SCFD2: variants seen among roughly 807,000 people sequenced by gnomAD.
The protein encoded by SCFD2 is sec1 family domain containing 2.
A neutral mutation model predicts 58.9 loss-of-function variants in SCFD2; 54 were observed. The observed-to-expected ratio is 0.92, with a 90% CI of 0.74 to 1.15. The LOEUF (loss-of-function observed/expected upper bound fraction) is 1.15. SCFD2 is among the 50% of genes most tolerant of loss of function. SCFD2 has a pLI of 0.00. For missense variants in SCFD2, 805 were observed against 836.6 expected, an observed-to-expected ratio of 0.96 and a Z score of 0.47; for synonymous variants, 321 against 335.9, an observed-to-expected ratio of 0.96 and a Z score of 0.49.
chr4:53,161,134 C>A (rs1450668815), intron 4 of SCFD2, among the ~76,000 whole-genome samples: 1 of 152,056 alleles, frequency 6.6e-6, no homozygotes, highest in Admixed American at 6.5e-5. Context: ...TTTCAGAAGT[C>A]CCTACTCCTT....
intron 5 of SCFD2, among the ~76,000 whole-genome samples, chr4:52,958,623 A>G (rs1373692820): frequency 6.6e-6 from 1 of 152,164 alleles, no homozygotes; most frequent in East Asian, 1.9e-4. Context: ...CACAAGGAGA[A>G]AGGAACAGCT....
chr4:52,927,497 C>T (rs1461641541), intron 5 of SCFD2, among the ~76,000 whole-genome samples: 1 of 152,176 alleles, frequency 6.6e-6, no homozygotes, highest in Non-Finnish European at 1.5e-5. Context: ...TTACATTTGC[C>T]TTGTTCACAC....
chr4:53,138,745 T>G (rs1726016310), intron 5 of SCFD2, among the ~76,000 whole-genome samples: 1 of 152,244 alleles, frequency 6.6e-6, no homozygotes, highest in Non-Finnish European at 1.5e-5. Context: ...TTGTTTTGCT[T>G]CATTTTGTCA....
chr4:53,361,850 T>C (rs1734557015), intron 1 of SCFD2, among the ~76,000 whole-genome samples: 1 of 152,204 alleles, frequency 6.6e-6, no homozygotes, highest in South Asian at 2.1e-4. Flanking sequence ...TTCAAGAATC[T>C]CGGAAACATT....
chr4:53,348,796 C>A (rs556789482), intron 2 of SCFD2, among the ~76,000 whole-genome samples: 1 of 151,850 alleles, frequency 6.6e-6, no homozygotes, highest in East Asian at 1.9e-4. Flanking sequence ...CTCACTGCAA[C>A]CTCCACCTCC....
At chr4:53,050,779 T>C (rs2148831772) in intron 5 of SCFD2, among the ~76,000 whole-genome samples, 1 of 152,266 alleles carries the variant, frequency 6.6e-6, no homozygotes, top group Middle Eastern at 3.4e-3. Flanking sequence ...AGGCCCTGGG[T>C]CATCTGGCTC....
chr4:53,064,835 A>G (rs879636518), intron 5 of SCFD2, among the ~76,000 whole-genome samples: 21 of 152,122 alleles, frequency 1.4e-4, no homozygotes, highest in Non-Finnish European at 2.9e-4. Flanking sequence ...AGGCATAAAA[A>G]GGCAGTGACT....
chr4:53,329,085 GA>G (rs1241828783), intron 2 of SCFD2, among the ~76,000 whole-genome samples: 5 of 152,242 alleles, frequency 3.3e-5, no homozygotes, highest in African/African-American at 1.2e-4. Context: ...ACCTGGCTCA[GA>G]GGGTCCTACG....
At chr4:53,252,569 GA>G (rs1730431711) in intron 4 of SCFD2, among the ~76,000 whole-genome samples, 1 of 149,712 alleles carries the variant, frequency 6.7e-6, no homozygotes, top group Non-Finnish European at 1.5e-5. Flanking sequence ...AGAGCCCTCA[GA>G]AATAACACCG....
chr4:52,887,749 C>A (rs1463741481), intron 7 of SCFD2, among the ~76,000 whole-genome samples: 1 of 152,178 alleles, frequency 6.6e-6, no homozygotes. Flanking sequence ...CAACACAACG[C>A]ATCTGTGGGT....
intron 4 of SCFD2, among the ~76,000 whole-genome samples, chr4:53,223,023 C>A (rs1157798414): frequency 6.6e-6 from 1 of 152,058 alleles, no homozygotes; most frequent in Non-Finnish European, 1.5e-5. Flanking sequence ...ACACGAGAGC[C>A]CTGGGACAGT....
intron 5 of SCFD2, among the ~76,000 whole-genome samples, chr4:52,999,790 T>C (rs987343600): frequency 1.3e-5 from 2 of 152,234 alleles, no homozygotes; most frequent in African/African-American, 4.8e-5. Context: ...ATCTGTTGCA[T>C]TATGATCATC....
At chr4:52,948,308 C>T in intron 5 of SCFD2, 1 of 288,170 alleles carries the variant, frequency 3.5e-6, no homozygotes, top group Non-Finnish European at 7.0e-6. Flanking sequence ...AGCACTCTGA[C>T]AAACATCCAT....
intron 4 of SCFD2, among the ~76,000 whole-genome samples, chr4:53,182,384 C>G (rs62325046): frequency 0.028 from 4,239 of 152,104 alleles, 108 homozygotes; most frequent in South Asian, 0.087. Context: ...ACAAACCTGA[C>G]AAAAACAAGC....
chr4:52,952,270 C>G (rs1440882419), intron 5 of SCFD2, among the ~76,000 whole-genome samples: 1 of 149,298 alleles, frequency 6.7e-6, no homozygotes, highest in African/African-American at 2.5e-5. Context: ...CCCCCATCCC[C>G]TCTCACACCC....
Position 52,882,395 on chromosome 4 carries a change from C to A in SCFD2, c.1962+3352G>T, listed in dbSNP as rs574787600. Reference sequence around the variant, plus strand: ...CTTCATCTAGAGGAGATATTAGAACCAAGAATGAAGCCCTCCATGACGGTT... The same window carrying A: ...CTTCATCTAGAGGAGATATTAGAACAAAGAATGAAGCCCTCCATGACGGTT... On this transcript the variant is annotated intron_variant, in intron 8 of 8. Transcript: ENST00000401642. Among the ~76,000 whole-genome samples, 8 of 152,220 alleles carry A rather than the reference C, an allele frequency of 5.3e-5. No individual in the cohort carries two copies. In the East Asian group the frequency reaches 1.4e-3, roughly 26 times the overall value.
intron 5 of SCFD2, among the ~76,000 whole-genome samples, chr4:52,927,536 C>T (rs1577833705): frequency 1.3e-5 from 2 of 152,230 alleles, no homozygotes; most frequent in African/African-American, 4.8e-5. Context: ...TATTAATGAC[C>T]CATTTTTACT....
intron 4 of SCFD2, among the ~76,000 whole-genome samples, chr4:53,254,649 A>AT (rs1730529076): frequency 6.6e-6 from 1 of 151,474 alleles, no homozygotes; most frequent in African/African-American, 2.4e-5. Flanking sequence ...GACCCATGTC[A>AT]TTTTAGACCA....
chr4:52,971,360 C>T (rs1721096163), intron 5 of SCFD2, among the ~76,000 whole-genome samples: 3 of 152,192 alleles, frequency 2.0e-5, no homozygotes, highest in Non-Finnish European at 4.4e-5. Context: ...ACGAGAACTA[C>T]ATGACGAATG....
Sources: gnomAD v4.1 joint callset for allele counts (sites outside exome capture counted in the v4.1 genomes callset) on GRCh38, gnomAD v4.1.1 for gene constraint, MANE v1.5 for transcripts, NCBI Gene and HGNC (gene_info 2026-07-23, HGNC 2026-07-21) for gene names.